Variants in ZNF219 observed in about 807,000 individuals in gnomAD.
The protein encoded by ZNF219 is zinc finger protein 219.
In ZNF219, 17 loss-of-function variants were observed where a neutral mutation model predicts 54.4. That is an observed-to-expected ratio of 0.31 (90% CI 0.21 to 0.47). ZNF219 has a LOEUF of 0.47. Among genes scored for constraint, ZNF219 ranks in the 20% least tolerant of loss-of-function variants. The pLI is 1.00. For missense variants in ZNF219, 1,014 were observed against 1,062.3 expected, an observed-to-expected ratio of 0.95 and a Z score of 0.63; for synonymous variants, 518 against 476.4, an observed-to-expected ratio of 1.09 and a Z score of -1.14.
Position 21,092,722 on chromosome 14 carries a change from C to T in ZNF219, c.575G>A (p.Gly192Asp). ...CTGGCTGGAGCCGAAACTGCACAGG[C>T]CGCACTTCCAGGGCCTATGCAGGAT... ...LHILHRPWKC[G>D]LCSFGSSQEE... is the part of the protein sequence containing the mutation. The change falls in exon 3 of 5, where the codon GGC (glycine) becomes GAC (aspartate). Residue 192 changes from glycine to aspartate, a missense_variant. Transcript: ENST00000360947. 1 of 1,586,772 alleles carries T rather than the reference C, an allele frequency of 6.3e-7. No homozygotes were observed. The highest frequency in any genetic ancestry group is 8.6e-7 in the Non-Finnish European group (1 of 1,167,674).
chr14:21,099,028 G>T, upstream of ZNF219: 1 of 301,550 alleles, frequency 3.3e-6, no homozygotes, highest in Non-Finnish European at 6.1e-6. Context: ...CAATTCCTGC[G>T]CCTTCCTCTC....
At chr14:21,102,637 C>G, upstream of ZNF219, 1 of 1,551,422 alleles carries the variant, frequency 6.4e-7, no homozygotes, top group South Asian at 1.2e-5. Flanking sequence ...CTGCAGCATG[C>G]TGGCTTGCTG....
rs769145529 is a variant in ZNF219, at chr14:21,092,540, C to T, written c.757G>A (p.Glu253Lys). 1.3e-6 allele frequency: 2 copies of T among 1,549,152 alleles called. No individual in the cohort carries two copies. Among genetic ancestry groups the T allele is most frequent in the African/African-American group, 1.4e-5 (1 of 73,154 alleles). The change falls in exon 3 of 5, where the codon GAA becomes AAA. Residue 253 changes from glutamate to lysine, a missense_variant. By Grantham distance (56) the Glu-to-Lys change is moderately conservative. Coordinates refer to ENST00000360947, the MANE Select transcript of ZNF219 (RefSeq NM_016423.3). ...GCTGGGGTCGGGGTTGCCTCACGTT[C>T]GGGCTCCGGCTCCGGCTCCGGCTGG... ...VPQPEPEPEPEREATPTPAPA... is the reference protein window; with the variant it reads ...VPQPEPEPEPKREATPTPAPA...
intron 1 of ZNF219, among the ~76,000 whole-genome samples, chr14:21,096,500 G>A (rs772081510): frequency 1.4e-4 from 22 of 152,150 alleles, no homozygotes; most frequent in Non-Finnish European, 2.8e-4. Flanking sequence ...CCTTGGAACC[G>A]AGGTCATGCA....
rs1889117412 is a variant in ZNF219, at chr14:21,093,740, A to AC, written c.-83-67dup. On this transcript the variant is annotated intron_variant, in intron 1 of 4. Coordinates refer to ENST00000360947, the MANE Select transcript of ZNF219 (RefSeq NM_016423.3). Reference sequence around the variant, plus strand: ...GTTTTCAGCAGTAAAGTCACTCCCTACCCCCAGACTCTCAGCATTCTGTAT... The same window carrying AC: ...GTTTTCAGCAGTAAAGTCACTCCCTACCCCCCAGACTCTCAGCATTCTGTAT... The AC allele has an allele frequency of 1.8e-5, 26 of 1,410,870 alleles. 1 individual carries two copies. The South Asian group carries it at 3.1e-4, about 17-fold the overall frequency. The allele number at this position is 1,410,870 out of a possible 1,614,324, so 87.4% of individuals were successfully genotyped here.
At chr14:21,102,836 C>A, upstream of ZNF219, 1 of 1,530,008 alleles carries the variant, frequency 6.5e-7, no homozygotes, top group South Asian at 1.2e-5. Context: ...TTTTCCACTG[C>A]CTATCCTGGT....
chr14:21,102,093 G>A (rs773894082), upstream of ZNF219: 33 of 1,551,012 alleles, frequency 2.1e-5, no homozygotes, highest in Admixed American at 3.7e-4. Context: ...TCACTCTGGA[G>A]CTTCGCAGAG....
chr14:21,099,418 C>T (rs1393757387), upstream of ZNF219, among the ~76,000 whole-genome samples: 2 of 152,092 alleles, frequency 1.3e-5, no homozygotes, highest in Non-Finnish European at 2.9e-5. Context: ...AATCAATGCA[C>T]GTGGGAATTG....
upstream of ZNF219, chr14:21,102,211 A>T: frequency 1.4e-6 from 2 of 1,458,916 alleles, no homozygotes; most frequent in South Asian, 2.7e-5. Flanking sequence ...CTAAGTGTTG[A>T]CTCATTCTCT....
chr14:21,093,027 G>A lies in ZNF219; in HGVS notation c.270C>T (p.Cys90=), dbSNP rs1212811503. 2 of 1,598,610 alleles carry A rather than the reference G, an allele frequency of 1.3e-6. No homozygotes were observed. The highest frequency in any genetic ancestry group is 1.7e-6 in the Non-Finnish European group (2 of 1,175,168). ...PGAQAFQCPH[C]GHRAAQRALL... is the part of the protein sequence containing the mutation. ...GAGCCCGCTGCGCCGCGCGGTGGCCGCAGTGAGGGCACTGGAAGGCCTGGG... is the reference window on the plus strand; with the variant it reads ...GAGCCCGCTGCGCCGCGCGGTGGCCACAGTGAGGGCACTGGAAGGCCTGGG... The change falls in exon 3 of 5, where the codon TGC becomes TGT. Residue 90 remains cysteine, a synonymous_variant. Coordinates refer to ENST00000360947, the MANE Select transcript of ZNF219 (RefSeq NM_016423.3).
chr14:21,095,229 C>G (rs1404419319), intron 1 of ZNF219, among the ~76,000 whole-genome samples: 1 of 152,172 alleles, frequency 6.6e-6, no homozygotes. Flanking sequence ...AACAAAGTGT[C>G]CTTGTCCAAG....
intron 1 of ZNF219, among the ~76,000 whole-genome samples, chr14:21,095,101 G>A (rs1187937481): frequency 6.6e-6 from 1 of 152,152 alleles, no homozygotes; most frequent in East Asian, 1.9e-4. Flanking sequence ...AGGCTCTGGA[G>A]GTCCAAGGCT....
At chr14:21,102,578 G>A (rs1409503713), upstream of ZNF219, 4 of 1,551,328 alleles carry the variant, frequency 2.6e-6, no homozygotes, top group Admixed American at 7.8e-5. Flanking sequence ...GAAGGGAAAA[G>A]GGCAGGGGCA....
chr14:21,102,988 A>T (rs1889742968), upstream of ZNF219: 5 of 1,404,480 alleles, frequency 3.6e-6, no homozygotes. Flanking sequence ...ATTGAGGTTA[A>T]AAGAGTGGGA....
intron 1 of ZNF219, among the ~76,000 whole-genome samples, chr14:21,096,589 C>G (rs1480539730): frequency 6.6e-6 from 1 of 152,204 alleles, no homozygotes; most frequent in Non-Finnish European, 1.5e-5. Context: ...GGCCAGACAG[C>G]AGCACTGACC....
chr14:21,094,391 C>T (rs562248158), intron 1 of ZNF219: 28 of 455,770 alleles, frequency 6.1e-5, no homozygotes, highest in Admixed American at 4.9e-4. Flanking sequence ...CTGCAAATAC[C>T]GTATAGGATT....
rs113160398 is a variant in ZNF219 at position 21,091,348 on chromosome 14, G to C, written c.1564+63C>G. 237 of 1,553,662 alleles carry C rather than the reference G, an allele frequency of 1.5e-4. 2 individuals are homozygous for C. In the African/African-American group the frequency reaches 2.7e-3, roughly 18 times the overall value. Reference sequence around the variant, plus strand: ...AACAAACTTCACCTCCTAGTGTTTCGGTAGCCCTCACCTTTCTGCCCGCCC... The same window carrying C: ...AACAAACTTCACCTCCTAGTGTTTCCGTAGCCCTCACCTTTCTGCCCGCCC... On this transcript the variant is annotated intron_variant, in intron 4 of 4. Coordinates refer to ENST00000360947, the MANE Select transcript of ZNF219 (RefSeq NM_016423.3).
In ZNF219 at chr14:21,091,929, C is replaced by T. The variant is rs1888921380; in HGVS notation, c.1368G>A (p.Pro456=). 3.7e-6 allele frequency: 6 copies of T among 1,602,824 alleles called. No individual in the cohort carries two copies. The highest frequency in any genetic ancestry group is 4.3e-6 in the Non-Finnish European group (5 of 1,175,780). The change falls in exon 3 of 5, where the codon CCG becomes CCA. Residue 456 remains proline (P), a synonymous_variant. Transcript: ENST00000360947. ...AGGCAGAGTGCCCCGGTCCCTCACC[C>T]GGGCGCGGGTGCAGGGAAGCCAGAG... ...LGSLASLHPR[P]GEGPGHSASA...
chr14:21,103,346 G>A (rs537619570), upstream of ZNF219: 9 of 1,473,450 alleles, frequency 6.1e-6, no homozygotes, highest in African/African-American at 1.3e-4. Flanking sequence ...AAGTCCGGGA[G>A]TGCCTTCAGT....
Sources: allele counts gnomAD v4.1 joint callset (sites outside exome capture counted in the v4.1 genomes callset), GRCh38; gene constraint gnomAD v4.1.1; transcripts MANE v1.5; gene names NCBI Gene and HGNC (gene_info 2026-07-23, HGNC 2026-07-21).